Variants in GREM2 observed in about 807,000 individuals in gnomAD.
The protein encoded by GREM2 is gremlin-2.
GREM2 carries 11 observed loss-of-function variants against 14.2 expected under a neutral mutation model. The ratio of observed to expected loss-of-function variants is 0.78; its 90% CI spans 0.49 to 1.28. GREM2 has a LOEUF of 1.28. Among genes scored for constraint, GREM2 ranks in the 50% most tolerant of loss-of-function variants. The probability of loss-of-function intolerance (pLI) is 0.00; values close to 1 mark genes in which losing one functional copy is unlikely to be tolerated. For synonymous variants in GREM2, 98 were observed against 97.6 expected (o/e 1.00, Z -0.02); for missense variants, 210 against 218.5 (o/e 0.96, Z 0.24).
intron 1 of GREM2, among the ~76,000 whole-genome samples, chr1:240,518,469 T>A (rs72752837): frequency 0.12 from 18,840 of 152,228 alleles, 1,302 homozygotes; most frequent in Middle Eastern, 0.22. Flanking sequence ...TTGCTTTTTC[T>A]TTAAAGGATG....
At chr1:240,596,049 A>G (rs980530969) in intron 1 of GREM2, among the ~76,000 whole-genome samples, 3 of 152,216 alleles carry the variant, frequency 2.0e-5, no homozygotes, top group African/African-American at 7.2e-5. Context: ...TGTGACGACT[A>G]TAATATCAGT....
chr1:240,505,847 G>GA (rs902914540), intron 1 of GREM2, among the ~76,000 whole-genome samples: 2 of 151,830 alleles, frequency 1.3e-5, no homozygotes, highest in East Asian at 1.9e-4. Context: ...GAATTAAGGA[G>GA]AAAAAAATGT....
chr1:240,539,449 T>A (rs1678541564), intron 1 of GREM2, among the ~76,000 whole-genome samples: 1 of 152,210 alleles, frequency 6.6e-6, no homozygotes, highest in Non-Finnish European at 1.5e-5. Flanking sequence ...TCTCTTTCCC[T>A]TCCTGGACAG....
intron 1 of GREM2, among the ~76,000 whole-genome samples, chr1:240,554,057 T>A (rs1276146086): frequency 6.6e-6 from 1 of 152,100 alleles, no homozygotes; most frequent in African/African-American, 2.4e-5. Flanking sequence ...TGCATTAGGG[T>A]ATTGCCTTCC....
At chr1:240,508,043 G>A (rs371820951) in intron 1 of GREM2, among the ~76,000 whole-genome samples, 265 of 152,282 alleles carry the variant, frequency 1.7e-3, no homozygotes, top group African/African-American at 6.0e-3. Context: ...CCGAGCTGGT[G>A]CCTGGGCTTG....
chr1:240,550,747 G>A (rs1181561521), intron 1 of GREM2, among the ~76,000 whole-genome samples: 1 of 152,186 alleles, frequency 6.6e-6, no homozygotes, highest in Non-Finnish European at 1.5e-5. Context: ...CTGAAAAGAT[G>A]TAAATATTTT....
intron 1 of GREM2, among the ~76,000 whole-genome samples, chr1:240,527,567 A>G (rs530151417): frequency 2.0e-4 from 30 of 152,326 alleles, no homozygotes; most frequent in African/African-American, 7.2e-4. Flanking sequence ...TGTTTATAAG[A>G]GGTCTGAGGA....
At chr1:240,596,805 G>C (rs546191279) in intron 1 of GREM2, among the ~76,000 whole-genome samples, 16 of 152,100 alleles carry the variant, frequency 1.1e-4, no homozygotes, top group Middle Eastern at 3.5e-3. Context: ...TTTCAATTCA[G>C]CTGCCGTTAG....
chr1:240,558,566 C>T (rs1005612169), intron 1 of GREM2, among the ~76,000 whole-genome samples: 4 of 151,980 alleles, frequency 2.6e-5, no homozygotes, highest in African/African-American at 9.7e-5. Flanking sequence ...ATAGCTGCAC[C>T]CTGATAATTA....
chr1:240,544,355 G>A (rs1678667177), intron 1 of GREM2, among the ~76,000 whole-genome samples: 1 of 152,000 alleles, frequency 6.6e-6, no homozygotes, highest in African/African-American at 2.4e-5. Flanking sequence ...CACCATGTTA[G>A]CCAGGATGGT....
intron 1 of GREM2, among the ~76,000 whole-genome samples, chr1:240,602,424 G>A (rs1307655409): frequency 6.6e-6 from 1 of 152,028 alleles, no homozygotes; most frequent in Non-Finnish European, 1.5e-5. Context: ...GACCTCTACA[G>A]GGACATTTAT....
At chr1:240,496,674 T>C (rs998394239) in intron 1 of GREM2, among the ~76,000 whole-genome samples, 2 of 152,218 alleles carry the variant, frequency 1.3e-5, no homozygotes, top group African/African-American at 4.8e-5. Flanking sequence ...TTGCCATGTC[T>C]CCTGCTCTCA....
At chr1:240,531,975 A>T (rs1678373082) in intron 1 of GREM2, among the ~76,000 whole-genome samples, 1 of 152,178 alleles carries the variant, frequency 6.6e-6, no homozygotes, top group Non-Finnish European at 1.5e-5. Context: ...TGTCCAAGAC[A>T]AGAAACAATT....
At chr1:240,583,853 C>T (rs548084167) in intron 1 of GREM2, among the ~76,000 whole-genome samples, 22 of 152,178 alleles carry the variant, frequency 1.4e-4, no homozygotes, top group Non-Finnish European at 2.4e-4. Context: ...CTGCCCACCT[C>T]GGCCTCCCAA....
chr1:240,606,310 A>G (rs1047918303), intron 1 of GREM2, among the ~76,000 whole-genome samples: 1 of 152,250 alleles, frequency 6.6e-6, no homozygotes, highest in African/African-American at 2.4e-5. Flanking sequence ...TAATTATACA[A>G]GGAAGACTAA....
rs747009086 is a variant in GREM2, at chr1:240,493,409, T to C, written c.67A>G (p.Lys23Glu). The change falls in exon 2 of 2, where the codon AAG becomes GAG. Residue 23 changes from lysine (K) to glutamate (E), a missense_variant. Lys to Glu is a moderately conservative substitution (Grantham distance 56). Coordinates refer to ENST00000318160, the MANE Select transcript of GREM2 (RefSeq NM_022469.4). The stretch of plus-strand genomic sequence containing the variant: ...GGGATGGCGCCCGCCGGCCGGTTCT[T>C]CCGGGCTTCCGCCACCTTCACCAGC... Reference protein sequence around the residue: ...AVLVKVAEARKNRPAGAIPSP... With the variant: ...AVLVKVAEARENRPAGAIPSP... 1.2e-6 allele frequency: 2 copies of C among 1,613,244 alleles called. No homozygotes were observed. The highest frequency in any genetic ancestry group is 1.7e-6 in the Non-Finnish European group (2 of 1,179,796).
intron 1 of GREM2, among the ~76,000 whole-genome samples, chr1:240,603,629 G>A (rs1283638392): frequency 7.1e-6 from 1 of 141,354 alleles, no homozygotes; most frequent in Non-Finnish European, 1.6e-5. Context: ...TACTGTGTGG[G>A]ATTTTTTACC....
At chr1:240,609,576 G>A (rs761956939) in intron 1 of GREM2, among the ~76,000 whole-genome samples, 2 of 152,060 alleles carry the variant, frequency 1.3e-5, no homozygotes, top group African/African-American at 2.4e-5. Flanking sequence ...TGCTGGGCAC[G>A]TTTTCCCTGG....
At chr1:240,561,493 C>A (rs781455739) in intron 1 of GREM2, among the ~76,000 whole-genome samples, 3 of 152,054 alleles carry the variant, frequency 2.0e-5, no homozygotes, top group Non-Finnish European at 2.9e-5. Context: ...ATAGGGAATT[C>A]AGTTAAAAAG....
Sources: gnomAD v4.1 joint callset for allele counts (sites outside exome capture counted in the v4.1 genomes callset) on GRCh38, gnomAD v4.1.1 for gene constraint, MANE v1.5 for transcripts, NCBI Gene and HGNC (gene_info 2026-07-23, HGNC 2026-07-21) for gene names.